Variants in RDH10 observed in about 807,000 individuals in gnomAD.
The protein encoded by RDH10 is retinol dehydrogenase 10.
In RDH10, 12 loss-of-function variants were observed where a neutral mutation model predicts 30.2. The observed-to-expected ratio is 0.40, with a 90% CI of 0.25 to 0.64. The LOEUF is 0.64. Ranked by LOEUF, RDH10 falls within the 30% of genes least tolerant of loss-of-function variation. RDH10 has a pLI of 0.43. For synonymous variants in RDH10, 189 were observed against 172.2 expected (o/e 1.10, Z -0.76); for missense variants, 268 against 445.2 (o/e 0.60, Z 3.58).
intron 1 of RDH10, chr8:73,295,787 C>T (rs1814251456): frequency 9.8e-7 from 1 of 1,020,518 alleles, no homozygotes; most frequent in Non-Finnish European, 1.3e-6. Flanking sequence ...GCCCTGTCCT[C>T]GCGGAGGTTC....
intron 2 of RDH10, among the ~76,000 whole-genome samples, chr8:73,300,740 C>T (rs1301142051): frequency 6.6e-6 from 1 of 152,188 alleles, no homozygotes; most frequent in Non-Finnish European, 1.5e-5. Context: ...CCTGAAACAC[C>T]CTCTTCCTCC....
intron 2 of RDH10, chr8:73,300,372 T>G (rs777475428): frequency 6.6e-6 from 1 of 152,232 alleles, no homozygotes; most frequent in East Asian, 1.9e-4. Flanking sequence ...AGTCCTCTTA[T>G]GCGAAGCGTT....
chr8:73,316,820 G>T (rs1301512432), intron 2 of RDH10, among the ~76,000 whole-genome samples: 1 of 152,090 alleles, frequency 6.6e-6, no homozygotes, highest in Non-Finnish European at 1.5e-5. Context: ...GAAGCGAGGG[G>T]GTGGGGGCTG....
At chr8:73,309,083 A>C (rs1410571719) in intron 2 of RDH10, among the ~76,000 whole-genome samples, 1 of 145,244 alleles carries the variant, frequency 6.9e-6, no homozygotes. Flanking sequence ...CCACATACAC[A>C]CACTTTTTTT....
At chr8:73,317,760 A>G (rs1814698354) in intron 2 of RDH10, among the ~76,000 whole-genome samples, 1 of 152,076 alleles carries the variant, frequency 6.6e-6, no homozygotes, top group Admixed American at 6.5e-5. Context: ...TTCTCTACAA[A>G]AAATTAAAAA....
At chr8:73,304,945 A>G (rs1161910224) in intron 2 of RDH10, among the ~76,000 whole-genome samples, 2 of 152,168 alleles carry the variant, frequency 1.3e-5, no homozygotes, top group Non-Finnish European at 2.9e-5. Context: ...ATTTATCTCA[A>G]TTCCTGGAAG....
chr8:73,315,704 T>TA (rs1419011834), intron 2 of RDH10: 2 of 402,482 alleles, frequency 5.0e-6, no homozygotes, highest in Admixed American at 5.3e-5. Flanking sequence ...TGGCTGGAGT[T>TA]AGAGTGGACA....
chr8:73,307,758 CTA>C (rs1814488369), intron 2 of RDH10, among the ~76,000 whole-genome samples: 1 of 152,162 alleles, frequency 6.6e-6, no homozygotes, highest in Non-Finnish European at 1.5e-5. Flanking sequence ...GTAGATTTTC[CTA>C]TGAGTCACTT....
In RDH10 at chr8:73,295,156, C is replaced by G; in HGVS notation, c.-134C>G. The G allele has an allele frequency of 1.2e-6, 1 of 859,134 alleles. No individual in the cohort carries two copies. Among genetic ancestry groups the G allele is most frequent in the Non-Finnish European group, 1.6e-6 (1 of 610,336 alleles). The allele number at this position is 859,134 out of a possible 1,614,324, so 53.2% of individuals were successfully genotyped here. A position where few individuals can be genotyped will look rare whatever the true frequency, so the allele number is the denominator to read the frequency against. On this transcript the variant is annotated 5_prime_UTR_variant, in exon 1 of 6. Coordinates refer to ENST00000240285, the MANE Select transcript of RDH10 (RefSeq NM_172037.5). ...GCGCACTCCAACCCGGCGGGCACCT[C>G]GGGGGCGGGCGCGGGGCGCAGCCTT...
chr8:73,321,159 T>C, intron 4 of RDH10, 82 bp downstream of exon 4: 1 of 1,187,376 alleles, frequency 8.4e-7, no homozygotes, highest in Non-Finnish European at 1.2e-6. Flanking sequence ...CATAACCTTG[T>C]ATTTTAACTA....
At chr8:73,295,720 T>A in intron 1 of RDH10, 142 bp downstream of exon 1, 1 of 961,690 alleles carries the variant, frequency 1.0e-6, no homozygotes, top group Middle Eastern at 3.3e-4. Flanking sequence ...GGGAGACGAG[T>A]GGAATTCGCT....
chr8:73,318,298 G>C (rs68175403), intron 2 of RDH10, among the ~76,000 whole-genome samples: 1 of 151,886 alleles, frequency 6.6e-6, no homozygotes, highest in Admixed American at 6.6e-5. Flanking sequence ...GTAAGAAATC[G>C]GCGCCACCTC....
chr8:73,301,584 C>G (rs1357162506), intron 2 of RDH10, among the ~76,000 whole-genome samples: 12 of 124,010 alleles, frequency 9.7e-5, no homozygotes, highest in Non-Finnish European at 1.5e-4. Context: ...ATGGAGAAAC[C>G]CTGTCTCTAC....
chr8:73,298,876 G>A (rs1194823933), intron 2 of RDH10, among the ~76,000 whole-genome samples: 5 of 152,110 alleles, frequency 3.3e-5, no homozygotes, highest in Non-Finnish European at 5.9e-5. Flanking sequence ...GTACAATGGC[G>A]TGATCTCAGC....
At chr8:73,315,911 T>A (rs1443013397) in intron 2 of RDH10, among the ~76,000 whole-genome samples, 1 of 152,246 alleles carries the variant, frequency 6.6e-6, no homozygotes, top group Non-Finnish European at 1.5e-5. Context: ...TTAAAAATGA[T>A]CTCTGGTTAA....
intron 2 of RDH10, among the ~76,000 whole-genome samples, chr8:73,317,831 G>A (rs1814699227): frequency 6.6e-6 from 1 of 151,884 alleles, no homozygotes; most frequent in Admixed American, 6.6e-5. Flanking sequence ...GAGGCAGAAG[G>A]ATCACTTGAG....
chr8:73,308,389 C>G (rs1025515699), intron 2 of RDH10, among the ~76,000 whole-genome samples: 2 of 152,094 alleles, frequency 1.3e-5, no homozygotes, highest in Admixed American at 1.3e-4. Flanking sequence ...ACTTATAGTC[C>G]AAGCATGTGA....
intron 2 of RDH10, among the ~76,000 whole-genome samples, chr8:73,303,038 TAGTC>T (rs1297668951): frequency 6.6e-6 from 1 of 151,736 alleles, no homozygotes; most frequent in African/African-American, 2.4e-5. Context: ...ATTGATATGG[TAGTC>T]AGACAAGATA....
chr8:73,306,756 T>C (rs1276341048), intron 2 of RDH10, among the ~76,000 whole-genome samples: 1 of 152,208 alleles, frequency 6.6e-6, no homozygotes, highest in African/African-American at 2.4e-5. Context: ...CCACAAGTGT[T>C]TCTTACATGC....
Sources: gnomAD v4.1 joint callset for allele counts (sites outside exome capture counted in the v4.1 genomes callset) on GRCh38, gnomAD v4.1.1 for gene constraint, MANE v1.5 for transcripts, NCBI Gene and HGNC (gene_info 2026-07-23, HGNC 2026-07-21) for gene names.